DLEU7: variants seen among roughly 807,000 people sequenced by gnomAD.
DLEU7 encodes leukemia-associated protein 7.
Under a neutral mutation model 16.0 loss-of-function variants are expected in DLEU7, and 17 were observed. The ratio of observed to expected loss-of-function variants is 1.06; its 90% CI spans 0.73 to 1.59. The LOEUF is 1.59. DLEU7 is among the 40% of genes most tolerant of loss of function. DLEU7 has a pLI of 0.00. For missense variants in DLEU7, 308 were observed against 314.9 expected (o/e 0.98, Z 0.17); for synonymous variants, 113 against 139.8 (o/e 0.81, Z 1.35).
intron 1 of DLEU7, among the ~76,000 whole-genome samples, chr13:50,735,671 AC>A (rs1874049017): frequency 6.6e-6 from 1 of 152,212 alleles, no homozygotes; most frequent in South Asian, 2.1e-4. Context: ...CAAGAAAAAA[AC>A]AACCTCATTA....
chr13:50,713,005 A>G (rs936254972), exon 2 of DLEU7: 10 of 555,918 alleles, frequency 1.8e-5, no homozygotes, highest in African/African-American at 3.8e-5. Context: ...AAGCAGGATG[A>G]TTTGTGGCGC....
At chr13:50,717,580 G>GTT (rs113474412) in intron 1 of DLEU7, among the ~76,000 whole-genome samples, 122 of 141,686 alleles carry the variant, frequency 8.6e-4, no homozygotes, top group African/African-American at 2.8e-3. Context: ...TAGGCTGTGG[G>GTT]TTTTTTTTTT....
Position 50,828,717 on chromosome 13 carries a change from C to G in DLEU7, c.460-5197G>C, listed in dbSNP as rs530422674. Among the ~76,000 whole-genome samples the G allele has an allele frequency of 6.6e-5, 10 of 152,166 alleles. No homozygotes were observed. The South Asian group carries it at 1.9e-3, about 28-fold the overall frequency. ...AACTATTCTTCTCCCTATGAAAAAC[C>G]CTGTTTTTTGACCGAGAAGGACCTG... is the stretch of plus-strand genomic sequence containing the variant. On this transcript the variant is annotated intron_variant, in intron 1 of 1. Coordinates refer to ENST00000504404, the MANE Select transcript of DLEU7 (RefSeq NM_001306135.2).
At chr13:50,811,374 G>T (rs1876561149) in intron 1 of DLEU7, among the ~76,000 whole-genome samples, 1 of 152,084 alleles carries the variant, frequency 6.6e-6, no homozygotes, top group African/African-American at 2.4e-5. Flanking sequence ...CTTACAAGGA[G>T]TCCTCAGGCC....
intron 1 of DLEU7, among the ~76,000 whole-genome samples, chr13:50,830,702 T>C (rs1256556885): frequency 6.6e-6 from 1 of 152,188 alleles, no homozygotes; most frequent in East Asian, 1.9e-4. Flanking sequence ...GGCTTATTAA[T>C]TTTTAGCACA....
At chr13:50,746,825 C>G (rs1874409341) in intron 1 of DLEU7, among the ~76,000 whole-genome samples, 1 of 152,148 alleles carries the variant, frequency 6.6e-6, no homozygotes, top group African/African-American at 2.4e-5. Flanking sequence ...GATCAGCATT[C>G]AAACCCAAGC....
intron 1 of DLEU7, among the ~76,000 whole-genome samples, chr13:50,722,123 C>T (rs530763091): frequency 6.4e-4 from 97 of 152,264 alleles, no homozygotes; most frequent in African/African-American, 2.2e-3. Context: ...CCCTTTGCCA[C>T]GTAACTTTGC....
At chr13:50,727,834 G>A (rs1295583790) in intron 1 of DLEU7, among the ~76,000 whole-genome samples, 1 of 152,218 alleles carries the variant, frequency 6.6e-6, no homozygotes, top group Non-Finnish European at 1.5e-5. Flanking sequence ...ATGAACACTC[G>A]GTGTCAACGC....
At chr13:50,829,734 G>A (rs987116989) in intron 1 of DLEU7, among the ~76,000 whole-genome samples, 2 of 152,062 alleles carry the variant, frequency 1.3e-5, no homozygotes, top group African/African-American at 4.8e-5. Context: ...CAAATTAATA[G>A]GAATAGGCTT....
intron 1 of DLEU7, among the ~76,000 whole-genome samples, chr13:50,779,964 T>A (rs1875606722): frequency 6.7e-6 from 1 of 148,170 alleles, no homozygotes; most frequent in African/African-American, 2.7e-5. Flanking sequence ...ATTAAGCCGT[T>A]AACACATCTT....
At position 50,762,457 on chromosome 13, in the gene DLEU7, A is replaced by C. The variant is rs1295102936; in HGVS notation, c.460-49217T>G. On this transcript the variant is annotated intron_variant, in intron 1 of 1. Transcript: ENST00000400393. ...CTGCTGTGCTCACGGAACAGGGTAAAGCCCAGGTCGGAACCTATCCTGGCT... is the reference window on the plus strand; with the variant it reads ...CTGCTGTGCTCACGGAACAGGGTAACGCCCAGGTCGGAACCTATCCTGGCT... Among the ~76,000 whole-genome samples, 3 of 152,262 alleles carry C rather than the reference A, an allele frequency of 2.0e-5. No individual in the cohort carries two copies. The South Asian group carries it at 6.2e-4, about 32-fold the overall frequency.
At chr13:50,826,037 G>A (rs1190235497) in intron 1 of DLEU7, among the ~76,000 whole-genome samples, 2 of 131,602 alleles carry the variant, frequency 1.5e-5, no homozygotes, top group South Asian at 2.4e-4. Flanking sequence ...AGGCCCCGAT[G>A]TGTGATGTTC....
Position 50,843,275 on chromosome 13 carries a change from C to T in DLEU7, c.372G>A (p.Val124=), listed in dbSNP as rs1397420769. The change falls in exon 1 of 2, where the codon GTG becomes GTA. Residue 124 remains valine (V), a synonymous_variant. Coordinates refer to ENST00000504404, the MANE Select transcript of DLEU7 (RefSeq NM_001306135.2). The surrounding 1 kb of genome is among the most constrained non-coding windows in gnomAD (Gnocchi z 5.7). The part of the protein sequence containing the change: ...QMAMRSALAR[V]VDSTSELVSV... ...TGACCAGCTCCGAAGTCGAGTCCAC[C>T]ACGCGGGCCAGCGCGCTGCGCATCG... The T allele has an allele frequency of 6.3e-7, 1 of 1,587,028 alleles. No homozygotes were observed. Among genetic ancestry groups the T allele is most frequent in the African/African-American group, 1.4e-5 (1 of 72,738 alleles).
At chr13:50,838,417 CA>C (rs1877540898) in intron 1 of DLEU7, among the ~76,000 whole-genome samples, 1 of 152,186 alleles carries the variant, frequency 6.6e-6, no homozygotes, top group Non-Finnish European at 1.5e-5. Flanking sequence ...TGAAGATAGA[CA>C]AAACTCAATC....
intron 1 of DLEU7, among the ~76,000 whole-genome samples, chr13:50,742,326 T>C (rs1345637083): frequency 6.6e-6 from 1 of 152,206 alleles, no homozygotes; most frequent in African/African-American, 2.4e-5. Flanking sequence ...AAGTTTATTG[T>C]CCTCTTATGT....
At chr13:50,837,083 G>A (rs1159690188) in intron 1 of DLEU7, among the ~76,000 whole-genome samples, 2 of 152,126 alleles carry the variant, frequency 1.3e-5, no homozygotes, top group Non-Finnish European at 2.9e-5. Flanking sequence ...ACCCAATGAA[G>A]AACCAAAGTA....
At chr13:50,824,392 A>G (rs1877016790) in intron 1 of DLEU7, among the ~76,000 whole-genome samples, 1 of 152,222 alleles carries the variant, frequency 6.6e-6, no homozygotes, top group South Asian at 2.1e-4. Flanking sequence ...GGGTCTGGCA[A>G]CAAAACTATA....
At chr13:50,756,102 G>C (rs900452978) in intron 1 of DLEU7, among the ~76,000 whole-genome samples, 4 of 152,200 alleles carry the variant, frequency 2.6e-5, no homozygotes, top group African/African-American at 9.7e-5. Flanking sequence ...ACCAGCACCT[G>C]TTCTGGTGGA....
chr13:50,734,606 C>T (rs1026553240), intron 1 of DLEU7, among the ~76,000 whole-genome samples: 14 of 151,690 alleles, frequency 9.2e-5, no homozygotes, highest in African/African-American at 3.1e-4. Context: ...AACCTATGAC[C>T]TTAAAGATAG....
Sources: gnomAD v4.1 joint callset for allele counts (sites outside exome capture counted in the v4.1 genomes callset) on GRCh38, gnomAD v4.1.1 for gene constraint, Gnocchi (gnomAD v3.1) non-coding constraint, MANE v1.5 for transcripts, NCBI Gene and HGNC (gene_info 2026-07-23, HGNC 2026-07-21) for gene names.